Variants in CNTNAP2 observed in about 807,000 individuals in gnomAD.
The protein encoded by CNTNAP2 is contactin associated protein 2.
A neutral mutation model predicts 155.2 loss-of-function variants in CNTNAP2; 98 were observed. The ratio of observed to expected loss-of-function variants is 0.63; its 90% CI spans 0.54 to 0.75. CNTNAP2 has a LOEUF of 0.75. Among genes scored for constraint, CNTNAP2 ranks in the 30% least tolerant of loss-of-function variants. The pLI is 0.00. For missense variants in CNTNAP2, 1,727 were observed against 1,688.1 expected (o/e 1.02, Z -0.40); for synonymous variants, 651 against 631.2 (o/e 1.03, Z -0.47).
chr7:147,706,179 AG>A (rs548704314), intron 13 of CNTNAP2, among the ~76,000 whole-genome samples: 1 of 141,760 alleles, frequency 7.1e-6, no homozygotes, highest in Non-Finnish European at 1.5e-5. Flanking sequence ...GTAACATTTG[AG>A]GTTTTTTTTT....
chr7:146,363,270 C>T (rs1795110427), intron 1 of CNTNAP2, among the ~76,000 whole-genome samples: 1 of 152,154 alleles, frequency 6.6e-6, no homozygotes, highest in Non-Finnish European at 1.5e-5. Flanking sequence ...GGATTCAAGG[C>T]TGGGCAGTCA....
chr7:148,405,420 A>ATTTTTTTTTTT (rs36020816), intron 22 of CNTNAP2, among the ~76,000 whole-genome samples: 10 of 64,310 alleles, frequency 1.6e-4, no homozygotes, highest in South Asian at 1.4e-3. Flanking sequence ...TACCATTGTA[A>ATTTTTTTTTTT]TTTTTTTTTT....
intron 1 of CNTNAP2, among the ~76,000 whole-genome samples, chr7:146,671,408 G>C (rs566126737): frequency 7.2e-6 from 1 of 139,144 alleles, no homozygotes; most frequent in African/African-American, 2.5e-5. Flanking sequence ...CTGTCTCCCT[G>C]TTTCTCTCTT....
chr7:147,873,605 C>G (rs1035146433), intron 13 of CNTNAP2, among the ~76,000 whole-genome samples: 1 of 152,168 alleles, frequency 6.6e-6, no homozygotes, highest in African/African-American at 2.4e-5. Flanking sequence ...ATGGGAGCTA[C>G]AATTCAAGAT....
intron 12 of CNTNAP2, among the ~76,000 whole-genome samples, chr7:147,585,322 T>C (rs927870196): frequency 1.3e-5 from 2 of 151,580 alleles, no homozygotes; most frequent in South Asian, 4.2e-4. Context: ...GCTGTTCTAA[T>C]TTAAAAAACA....
chr7:146,370,259 TTAAAAAAA>T (rs1795215411), intron 1 of CNTNAP2, among the ~76,000 whole-genome samples: 2 of 117,832 alleles, frequency 1.7e-5, no homozygotes, highest in African/African-American at 9.1e-5. Flanking sequence ...CATCTCTACT[TTAAAAAAA>T]AAAAAAAAAA....
At chr7:147,494,721 A>C (rs1798670503) in intron 11 of CNTNAP2, among the ~76,000 whole-genome samples, 1 of 152,214 alleles carries the variant, frequency 6.6e-6, no homozygotes, top group African/African-American at 2.4e-5. Context: ...TAAGGAAAAA[A>C]ATGATATAGG....
At chr7:147,252,699 C>A (rs1260096593) in intron 8 of CNTNAP2, among the ~76,000 whole-genome samples, 1 of 151,920 alleles carries the variant, frequency 6.6e-6, no homozygotes, top group African/African-American at 2.4e-5. Flanking sequence ...ATTATAATAC[C>A]AAACTCATGG....
intron 4 of CNTNAP2, among the ~76,000 whole-genome samples, chr7:147,087,650 C>T (rs1012762844): frequency 6.6e-6 from 1 of 152,058 alleles, no homozygotes; most frequent in Admixed American, 6.6e-5. Flanking sequence ...TGGGGGAGCT[C>T]CTAACAATGG....
chr7:147,235,345 G>GGTGTGTGTGTGTGTGTGT lies in CNTNAP2; in HGVS notation c.1349-64777_1349-64760dup, dbSNP rs60072934. Among the ~76,000 whole-genome samples, 305 of 140,972 alleles carry GGTGTGTGTGTGTGTGTGT rather than the reference G, an allele frequency of 2.2e-3. 5 individuals carry two copies. The highest frequency in any genetic ancestry group is 0.011 in the Middle Eastern group (3 of 284). The allele number at this position is 140,972 out of a possible 152,430, so 92.5% of individuals were successfully genotyped here. A position where few individuals can be genotyped will look rare whatever the true frequency, so the allele number is the denominator to read the frequency against. On this transcript the variant is annotated intron_variant, in intron 8 of 23. Coordinates refer to ENST00000361727, the MANE Select transcript of CNTNAP2 (RefSeq NM_014141.6). ...ACCTTTTTATAGAGATGGAGTTTTTGGTGTGTGTGTGTGTGTGTGTGTGTG... is the reference window on the plus strand; with the variant it reads ...ACCTTTTTATAGAGATGGAGTTTTTGGTGTGTGTGTGTGTGTGTGTGTGTGTGTGTGTGTGTGTGTGTG...
At chr7:147,347,420 T>TTTTA (rs1554472647) in intron 9 of CNTNAP2, among the ~76,000 whole-genome samples, 2 of 120,726 alleles carry the variant, frequency 1.7e-5, no homozygotes, top group East Asian at 4.9e-4. Context: ...TGTGAAAAGA[T>TTTTA]TATATATATA....
intron 21 of CNTNAP2, chr7:148,381,725 T>C (rs1480176014): frequency 6.6e-6 from 1 of 152,170 alleles, no homozygotes; most frequent in Non-Finnish European, 1.5e-5. Flanking sequence ...GGCTTGAGGG[T>C]GAGGGTTTGA....
intron 15 of CNTNAP2, among the ~76,000 whole-genome samples, chr7:148,003,147 A>C (rs1801925590): frequency 6.6e-6 from 1 of 152,150 alleles, no homozygotes; most frequent in Non-Finnish European, 1.5e-5. Flanking sequence ...CTCAAGGAGC[A>C]TCAACCTCTA....
chr7:146,928,889 C>T (rs556100339), intron 3 of CNTNAP2, among the ~76,000 whole-genome samples: 1 of 152,136 alleles, frequency 6.6e-6, no homozygotes, highest in Non-Finnish European at 1.5e-5. Flanking sequence ...GGGGGAGGGG[C>T]GCCTGCCATT....
intron 9 of CNTNAP2, among the ~76,000 whole-genome samples, chr7:147,310,572 C>T (rs1479838): frequency 9.9e-5 from 15 of 151,966 alleles, no homozygotes; most frequent in African/African-American, 3.4e-4. Flanking sequence ...AACTGTAATG[C>T]CTTGTATATC....
chr7:147,232,789 G>T (rs1174707025), intron 8 of CNTNAP2, among the ~76,000 whole-genome samples: 2 of 54,178 alleles, frequency 3.7e-5, no homozygotes, highest in Non-Finnish European at 6.4e-5. Context: ...TTTTTTAAAA[G>T]CGTTTATCTT....
intron 1 of CNTNAP2, among the ~76,000 whole-genome samples, chr7:146,333,611 G>A (rs1372821475): frequency 1.3e-5 from 2 of 152,134 alleles, no homozygotes; most frequent in Non-Finnish European, 2.9e-5. Context: ...TTCTCTCTTA[G>A]TAATCATATT....
chr7:148,299,540 G>A (rs1245238520), intron 21 of CNTNAP2, among the ~76,000 whole-genome samples: 1 of 152,196 alleles, frequency 6.6e-6, no homozygotes, highest in African/African-American at 2.4e-5. Flanking sequence ...AGGGCACACA[G>A]ATAACAGTCA....
At chr7:148,214,892 G>A (rs1795610600) in intron 18 of CNTNAP2, among the ~76,000 whole-genome samples, 1 of 152,146 alleles carries the variant, frequency 6.6e-6, no homozygotes, top group Admixed American at 6.5e-5. Context: ...AATTGCATAA[G>A]ACAGCCCCAC....
Sources: allele counts gnomAD v4.1 joint callset (sites outside exome capture counted in the v4.1 genomes callset), GRCh38; gene constraint gnomAD v4.1.1; transcripts MANE v1.5; gene names NCBI Gene and HGNC (gene_info 2026-07-23, HGNC 2026-07-21).